Variants in UBE2D3 observed in about 807,000 individuals in gnomAD.
The protein encoded by UBE2D3 is ubiquitin-conjugating enzyme E2 D3.
Under a neutral mutation model 22.8 loss-of-function variants are expected in UBE2D3, and 2 were observed. The ratio of observed to expected loss-of-function variants is 0.09; its 90% confidence interval spans 0.04 to 0.28. The LOEUF (loss-of-function observed/expected upper bound fraction) is 0.28, where lower values mean the gene tolerates loss of function less well. Among genes scored for constraint, UBE2D3 ranks in the 10% least tolerant of loss-of-function variants. The pLI, the probability that UBE2D3 is intolerant of heterozygous loss-of-function variation, is 1.00. For missense variants in UBE2D3, 27 were observed against 182.5 expected (o/e 0.15, Z 4.91); for synonymous variants, 56 against 60.4 (o/e 0.93, Z 0.34).
chr4:102,829,204 T>C (rs969938401), upstream of UBE2D3, among the ~76,000 whole-genome samples: 1 of 152,154 alleles, frequency 6.6e-6, no homozygotes, highest in Non-Finnish European at 1.5e-5. Flanking sequence ...AGAGCCTACA[T>C]TTCTAACTAG....
chr4:102,829,101 T>C (rs1730961755), upstream of UBE2D3, among the ~76,000 whole-genome samples: 1 of 151,962 alleles, frequency 6.6e-6, no homozygotes, highest in African/African-American at 2.4e-5. Context: ...GTGTCACTAG[T>C]GAAGCAGTGC....
chr4:102,843,764 C>T (rs973317670), intron 1 of UBE2D3: 2 of 152,202 alleles, frequency 1.3e-5, no homozygotes, highest in Admixed American at 6.5e-5. Context: ...TACTTCTGCT[C>T]TTCAGTTTCA....
chr4:102,861,100 G>A (rs1732877095), intron 1 of UBE2D3, among the ~76,000 whole-genome samples: 1 of 152,010 alleles, frequency 6.6e-6, no homozygotes, highest in African/African-American at 2.4e-5. Context: ...AACACGCAAG[G>A]CTAGGGAAGC....
At chr4:102,863,927 T>C (rs1162919623) in intron 1 of UBE2D3, among the ~76,000 whole-genome samples, 2 of 152,206 alleles carry the variant, frequency 1.3e-5, no homozygotes, top group Admixed American at 6.5e-5. Context: ...GCCATGTTAT[T>C]AGTATTGACA....
At chr4:102,800,941 G>A (rs1193296800) in intron 6 of UBE2D3, among the ~76,000 whole-genome samples, 1 of 151,960 alleles carries the variant, frequency 6.6e-6, no homozygotes, top group Non-Finnish European at 1.5e-5. Context: ...TTGATCTACA[G>A]ATCTTTCGAA....
intron 4 of UBE2D3, among the ~76,000 whole-genome samples, chr4:102,805,899 TC>T: frequency 6.6e-6 from 1 of 152,304 alleles, no homozygotes; most frequent in South Asian, 2.1e-4. Flanking sequence ...TAAACCAGGA[TC>T]TCATCATCAA....
At chr4:102,846,556 C>A (rs988889640) in intron 1 of UBE2D3, among the ~76,000 whole-genome samples, 4 of 152,170 alleles carry the variant, frequency 2.6e-5, no homozygotes, top group African/African-American at 7.2e-5. Flanking sequence ...CATAGGTTTT[C>A]TCTCTCCAGA....
intron 1 of UBE2D3, among the ~76,000 whole-genome samples, chr4:102,844,571 T>C (rs1408758723): frequency 6.6e-6 from 1 of 152,158 alleles, no homozygotes; most frequent in Non-Finnish European, 1.5e-5. Context: ...ACTGGAGAAA[T>C]AGCCACAGTA....
intron 1 of UBE2D3, among the ~76,000 whole-genome samples, chr4:102,855,957 C>G (rs1178867026): frequency 1.3e-5 from 2 of 152,084 alleles, no homozygotes; most frequent in Non-Finnish European, 2.9e-5. Flanking sequence ...TGAAACCCAT[C>G]CTAAAATAGG....
At chr4:102,838,587 A>C (rs1560884137) in intron 1 of UBE2D3, among the ~76,000 whole-genome samples, 1 of 152,216 alleles carries the variant, frequency 6.6e-6, no homozygotes, top group Non-Finnish European at 1.5e-5. Flanking sequence ...CTTAACTCTC[A>C]AAAAGAAATA....
At chr4:102,824,827 C>T (rs978133269) in intron 2 of UBE2D3, among the ~76,000 whole-genome samples, 1 of 152,226 alleles carries the variant, frequency 6.6e-6, no homozygotes, top group Non-Finnish European at 1.5e-5. Flanking sequence ...GTGTAAACCA[C>T]ACTGTAACAT....
At chr4:102,807,415 C>T (rs562435262) in intron 4 of UBE2D3, among the ~76,000 whole-genome samples, 3 of 152,264 alleles carry the variant, frequency 2.0e-5, no homozygotes, top group African/African-American at 4.8e-5. Context: ...AGACAATACC[C>T]GTACTTTGGG....
At chr4:102,825,466 A>G (rs572070819) in intron 2 of UBE2D3, 8 of 1,147,666 alleles carry the variant, frequency 7.0e-6, no homozygotes, top group Admixed American at 8.6e-5. Flanking sequence ...TTAACAAATC[A>G]TATTAATTCA....
intron 2 of UBE2D3, among the ~76,000 whole-genome samples, chr4:102,823,638 C>T (rs77855721): frequency 0.015 from 2,351 of 152,246 alleles, 59 homozygotes; most frequent in African/African-American, 0.051. Context: ...TTGTCTACAG[C>T]TCTCAATACC....
intron 1 of UBE2D3, among the ~76,000 whole-genome samples, chr4:102,859,124 T>A (rs1732761743): frequency 6.6e-6 from 1 of 152,000 alleles, no homozygotes; most frequent in African/African-American, 2.4e-5. Flanking sequence ...CCTCAGCTTT[T>A]GTTTTTGTGG....
At chr4:102,809,385 A>C (rs1461194050) in intron 4 of UBE2D3, 1 of 355,832 alleles carries the variant, frequency 2.8e-6, no homozygotes, top group Non-Finnish European at 5.4e-6. Context: ...GTTCCATGAC[A>C]ATGCTTTACA....
chr4:102,853,220 G>A (rs1175022290), intron 1 of UBE2D3, among the ~76,000 whole-genome samples: 1 of 136,428 alleles, frequency 7.3e-6, no homozygotes. Context: ...TCGGCTCACT[G>A]CAAGCTCCGC....
At chr4:102,868,610 G>A (rs960663830) in intron 1 of UBE2D3, 1 of 1,462,714 alleles carries the variant, frequency 6.8e-7, no homozygotes, top group Non-Finnish European at 9.6e-7. Flanking sequence ...CTGGGTAGGG[G>A]GAGGATACTC....
chr4:102,841,351 C>G (rs957404772), intron 1 of UBE2D3, among the ~76,000 whole-genome samples: 2 of 152,058 alleles, frequency 1.3e-5, no homozygotes, highest in Non-Finnish European at 2.9e-5. Context: ...TTTTTAGTTA[C>G]TGCTGAACAT....
Sources: allele counts gnomAD v4.1 joint callset (sites outside exome capture counted in the v4.1 genomes callset), GRCh38; gene constraint gnomAD v4.1.1; transcripts MANE v1.5; gene names NCBI Gene and HGNC (gene_info 2026-07-23, HGNC 2026-07-21).